CADM2: variants seen among roughly 807,000 people sequenced by gnomAD.
The protein encoded by CADM2 is cell adhesion molecule 2.
Under a neutral mutation model 49.8 loss-of-function variants are expected in CADM2, and 12 were observed. That is an observed-to-expected ratio of 0.24 (90% confidence interval 0.15 to 0.39). The LOEUF is 0.39. CADM2 is among the 10% of genes least tolerant of loss of function. CADM2 has a pLI of 1.00. For synonymous variants in CADM2, 214 were observed against 175.4 expected (o/e 1.22, Z -1.74); for missense variants, 378 against 492.3 (o/e 0.77, Z 2.20).
chr3:85,872,604 G>A (rs1453021053), intron 3 of CADM2, among the ~76,000 whole-genome samples: 5 of 150,856 alleles, frequency 3.3e-5, no homozygotes, highest in Admixed American at 2.0e-4. Flanking sequence ...TTGGCTTTTT[G>A]TCCTATTCCA....
At chr3:85,402,037 T>A (rs971608589) in intron 1 of CADM2, among the ~76,000 whole-genome samples, 1 of 152,216 alleles carries the variant, frequency 6.6e-6, no homozygotes, top group African/African-American at 2.4e-5. Flanking sequence ...GTAGATTTAC[T>A]ATAATTCATA....
At chr3:85,706,557 T>C (rs958374020) in intron 1 of CADM2, among the ~76,000 whole-genome samples, 2 of 152,244 alleles carry the variant, frequency 1.3e-5, no homozygotes, top group African/African-American at 2.4e-5. Flanking sequence ...AGAATTGTCC[T>C]AATTTCCCTA....
intron 1 of CADM2, among the ~76,000 whole-genome samples, chr3:85,705,181 T>A (rs1215150661): frequency 6.6e-6 from 1 of 151,706 alleles, no homozygotes; most frequent in Non-Finnish European, 1.5e-5. Flanking sequence ...CTTTTCATTC[T>A]TATTTAACAA....
At chr3:85,794,422 T>C (rs2071505051) in intron 2 of CADM2, among the ~76,000 whole-genome samples, 4 of 152,116 alleles carry the variant, frequency 2.6e-5, no homozygotes, top group Admixed American at 2.6e-4. Context: ...AAAAGATAAG[T>C]AAGATGTCTC....
intron 1 of CADM2, among the ~76,000 whole-genome samples, chr3:85,497,156 C>T (rs867259108): frequency 1.3e-5 from 2 of 152,250 alleles, no homozygotes; most frequent in South Asian, 2.1e-4. Context: ...AGTGTCTGCT[C>T]AAGGATTTTG....
chr3:86,008,354 T>C (rs906947152), intron 8 of CADM2, among the ~76,000 whole-genome samples: 9 of 152,114 alleles, frequency 5.9e-5, no homozygotes, highest in Admixed American at 4.6e-4. Context: ...GTCATCTATA[T>C]AGCACATTGA....
At chr3:85,281,906 G>T (rs1028709377) in intron 1 of CADM2, among the ~76,000 whole-genome samples, 2 of 152,024 alleles carry the variant, frequency 1.3e-5, no homozygotes, top group Non-Finnish European at 2.9e-5. Context: ...ACACCTGTTT[G>T]CTCATTTCTC....
intron 1 of CADM2, among the ~76,000 whole-genome samples, chr3:85,348,720 A>T (rs2031025774): frequency 6.6e-6 from 1 of 152,152 alleles, no homozygotes; most frequent in Non-Finnish European, 1.5e-5. Flanking sequence ...ATAATTAGGC[A>T]ATCTATTAAA....
At chr3:85,263,577 C>T (rs1360811116) in intron 1 of CADM2, among the ~76,000 whole-genome samples, 1 of 152,058 alleles carries the variant, frequency 6.6e-6, no homozygotes, top group East Asian at 1.9e-4. Flanking sequence ...AGGATGAAAA[C>T]ACATCTCCAT....
At chr3:86,021,526 A>C (rs1733181669) in intron 8 of CADM2, among the ~76,000 whole-genome samples, 1 of 152,194 alleles carries the variant, frequency 6.6e-6, no homozygotes, top group African/African-American at 2.4e-5. Context: ...GTCTGTGAAA[A>C]ATATCTTTAT....
intron 3 of CADM2, among the ~76,000 whole-genome samples, chr3:85,878,306 A>T (rs1559717024): frequency 6.6e-6 from 1 of 152,056 alleles, no homozygotes; most frequent in Non-Finnish European, 1.5e-5. Context: ...GAGGACTGAG[A>T]CATATTTAAG....
At chr3:86,018,635 G>A (rs958363701) in intron 8 of CADM2, among the ~76,000 whole-genome samples, 5 of 152,218 alleles carry the variant, frequency 3.3e-5, no homozygotes, top group African/African-American at 9.6e-5. Context: ...CAGTGATGGT[G>A]AGCATTTTTT....
chr3:84,990,357 G>A (rs1310589778), intron 1 of CADM2, among the ~76,000 whole-genome samples: 1 of 151,472 alleles, frequency 6.6e-6, no homozygotes, highest in Non-Finnish European at 1.5e-5. Context: ...TTGCTTTAAA[G>A]CACTGTTTTG....
intron 3 of CADM2, among the ~76,000 whole-genome samples, chr3:85,806,650 G>T (rs535091422): frequency 3.3e-5 from 5 of 152,162 alleles, no homozygotes; most frequent in South Asian, 2.1e-4. Context: ...CATGAGCATT[G>T]CTTGAACCCA....
chr3:85,014,378 C>G (rs1413034390), intron 1 of CADM2, among the ~76,000 whole-genome samples: 3 of 151,810 alleles, frequency 2.0e-5, no homozygotes, highest in Non-Finnish European at 2.9e-5. Context: ...TTGTTAATCT[C>G]TTACTCTGCC....
chr3:85,635,446 A>G (rs1358487539), intron 1 of CADM2, among the ~76,000 whole-genome samples: 4 of 152,188 alleles, frequency 2.6e-5, no homozygotes, highest in African/African-American at 9.6e-5. Context: ...AGTGATTTTT[A>G]AAGTCTTATA....
At chr3:85,672,333 C>T (rs528644897) in intron 1 of CADM2, among the ~76,000 whole-genome samples, 1 of 151,860 alleles carries the variant, frequency 6.6e-6, no homozygotes, top group Non-Finnish European at 1.5e-5. Context: ...GCTGGGACTA[C>T]AGGTGCCCGC....
chr3:84,969,272 AAT>A (rs759331518), intron 1 of CADM2, among the ~76,000 whole-genome samples: 2 of 151,994 alleles, frequency 1.3e-5, no homozygotes, highest in Non-Finnish European at 2.9e-5. Flanking sequence ...TGATATAATA[AAT>A]ATGTTTTGAC....
chr3:85,721,576 C>T (rs571862457), intron 1 of CADM2, among the ~76,000 whole-genome samples: 43 of 152,268 alleles, frequency 2.8e-4, no homozygotes, highest in African/African-American at 9.1e-4. Context: ...TCCAGCAGGG[C>T]GGGCAGCTCC....
Sources: gnomAD v4.1 joint callset for allele counts (sites outside exome capture counted in the v4.1 genomes callset) on GRCh38, gnomAD v4.1.1 for gene constraint, MANE v1.5 for transcripts, NCBI Gene and HGNC (gene_info 2026-07-23, HGNC 2026-07-21) for gene names.